GNAL: variants seen among roughly 807,000 people sequenced by gnomAD.
The protein encoded by GNAL is G protein subunit alpha L.
In GNAL, 18 loss-of-function variants were observed where a neutral mutation model predicts 55.1. The ratio of observed to expected loss-of-function variants is 0.33; its 90% CI spans 0.23 to 0.48. The LOEUF is 0.48. GNAL is among the 20% of genes least tolerant of loss of function. GNAL has a pLI of 0.99. For synonymous variants in GNAL, 253 were observed against 237.0 expected, an observed-to-expected ratio of 1.07 and a Z score of -0.62; for missense variants, 412 against 614.1, an observed-to-expected ratio of 0.67 and a Z score of 3.48.
intron 1 of GNAL, among the ~76,000 whole-genome samples, chr18:11,695,157 G>C (rs1325337208): frequency 6.6e-6 from 1 of 152,202 alleles, no homozygotes; most frequent in Non-Finnish European, 1.5e-5. Flanking sequence ...AGGGACAGCT[G>C]CATCCTAGCT....
intron 4 of GNAL, among the ~76,000 whole-genome samples, chr18:11,776,786 A>T (rs576447134): frequency 8.5e-5 from 13 of 152,158 alleles, no homozygotes; most frequent in Middle Eastern, 3.4e-3. Flanking sequence ...TTTGTCAAAA[A>T]CTTTAAAATT....
intron 5 of GNAL, among the ~76,000 whole-genome samples, chr18:11,835,173 A>G (rs2035472844): frequency 6.6e-6 from 1 of 152,266 alleles, no homozygotes; most frequent in South Asian, 2.1e-4. Flanking sequence ...TTACATTGAA[A>G]GAAAAAGCCA....
chr18:11,796,984 T>G (rs1598467463), intron 4 of GNAL, among the ~76,000 whole-genome samples: 1 of 152,334 alleles, frequency 6.6e-6, no homozygotes, highest in Non-Finnish European at 1.5e-5. Flanking sequence ...AGACAGGGTC[T>G]CACTGTGCCA....
chr18:11,844,045 G>A (rs770386008), intron 5 of GNAL, among the ~76,000 whole-genome samples: 2 of 152,182 alleles, frequency 1.3e-5, no homozygotes, highest in Non-Finnish European at 2.9e-5. Context: ...AAAAGAAATG[G>A]CCAAGATTAG....
At chr18:11,726,631 G>C (rs897324012) in intron 1 of GNAL, among the ~76,000 whole-genome samples, 1 of 152,078 alleles carries the variant, frequency 6.6e-6, no homozygotes, top group Non-Finnish European at 1.5e-5. Context: ...CTGGACGGTG[G>C]GTCCTTCTTT....
At chr18:11,699,407 G>T (rs1378934314) in intron 1 of GNAL, among the ~76,000 whole-genome samples, 1 of 151,742 alleles carries the variant, frequency 6.6e-6, no homozygotes, top group Non-Finnish European at 1.5e-5. Context: ...TAGAGACAGG[G>T]TTTTACCATG....
At chr18:11,783,211 A>C (rs2033967356) in intron 4 of GNAL, among the ~76,000 whole-genome samples, 1 of 152,194 alleles carries the variant, frequency 6.6e-6, no homozygotes, top group South Asian at 2.1e-4. Context: ...GTGAGTGTGA[A>C]ACAAGGCTGC....
intron 9 of GNAL, among the ~76,000 whole-genome samples, chr18:11,871,248 TC>T (rs201118850): frequency 0.015 from 2,261 of 150,482 alleles, 52 homozygotes; most frequent in African/African-American, 0.04. Context: ...TGTGGGTTTT[TC>T]TTTCTTTTTT....
chr18:11,754,008 C>A (rs2032950667), intron 4 of GNAL, 63 bp downstream of exon 4: 1 of 1,256,992 alleles, frequency 8.0e-7, no homozygotes, highest in South Asian at 1.2e-5. Flanking sequence ...AATAAGGTTT[C>A]TTATTGAGAA....
rs959737842 is a variant in GNAL at position 11,751,788 on chromosome 18, G to A, written c.377-1065G>A. On this transcript the variant is annotated intron_variant, in intron 1 of 11. Coordinates refer to ENST00000334049, the MANE Select transcript of GNAL (RefSeq NM_182978.4). The surrounding 1 kb of genome is among the most constrained non-coding windows in gnomAD (Gnocchi z 4.5). ...GCGGTAGCGCCTCTCCGAGAGCTCC[G>A]GGACCAGCGGCCCGGCCGCCCCCAA... 2 of 420,658 alleles carry A rather than the reference G, an allele frequency of 4.8e-6. No homozygotes were observed. Among genetic ancestry groups the A allele is most frequent in the Non-Finnish European group, 6.4e-6 (2 of 313,414 alleles). 26.1% of individuals were successfully genotyped at this position (420,658 alleles called of 1,614,324 possible).
intron 1 of GNAL, among the ~76,000 whole-genome samples, chr18:11,707,515 T>C (rs12457687): frequency 0.022 from 3,349 of 152,280 alleles, 100 homozygotes; most frequent in African/African-American, 0.07. Flanking sequence ...AGGCTCTGTT[T>C]TTCCACTGAT....
In GNAL at chr18:11,856,778, A is replaced by G. The variant is rs552873695; in HGVS notation, c.723-5617A>G. On this transcript the variant is annotated intron_variant, in intron 5 of 11. Transcript: ENST00000334049. ...CCGTCTCTACTAAAAATGCAAAAAA[A>G]TAATTAGCCAGGCATGATGGTGCAC... Among the ~76,000 whole-genome samples the G allele has an allele frequency of 1.2e-3, 186 of 152,196 alleles. 7 individuals carry two copies. In the South Asian group the frequency reaches 0.037, roughly 31 times the overall value.
At chr18:11,774,434 T>C (rs561706676) in intron 4 of GNAL, among the ~76,000 whole-genome samples, 1 of 152,348 alleles carries the variant, frequency 6.6e-6, no homozygotes, top group African/African-American at 2.4e-5. Context: ...TGAGCGCCCA[T>C]CTAAAAGAGC....
intron 1 of GNAL, among the ~76,000 whole-genome samples, chr18:11,698,354 G>T (rs545999343): frequency 2.0e-5 from 3 of 152,114 alleles, no homozygotes; most frequent in African/African-American, 7.2e-5. Flanking sequence ...AACTGGGCGT[G>T]GTGGTGCACG....
intron 10 of GNAL, among the ~76,000 whole-genome samples, chr18:11,875,818 C>G (rs1017504046): frequency 1.3e-5 from 2 of 152,144 alleles, no homozygotes; most frequent in African/African-American, 4.8e-5. Flanking sequence ...AATTTATGAA[C>G]AACAGAAATG....
chr18:11,717,703 A>T (rs2032006144), intron 1 of GNAL, among the ~76,000 whole-genome samples: 2 of 152,208 alleles, frequency 1.3e-5, no homozygotes, highest in African/African-American at 4.8e-5. Context: ...CAGAAAACCA[A>T]ATACTGCATG....
intron 4 of GNAL, among the ~76,000 whole-genome samples, chr18:11,780,857 T>C (rs1222885134): frequency 6.6e-6 from 1 of 152,156 alleles, no homozygotes; most frequent in African/African-American, 2.4e-5. Context: ...CAATGAAAAT[T>C]AGCCAGAAAC....
chr18:11,856,801 C>A (rs7235973), intron 5 of GNAL, among the ~76,000 whole-genome samples: 1,922 of 152,246 alleles, frequency 0.013, 36 homozygotes, highest in African/African-American at 0.044. Flanking sequence ...CATGATGGTG[C>A]ACACCTGTAA....
At chr18:11,850,458 T>C (rs546119750) in intron 5 of GNAL, among the ~76,000 whole-genome samples, 1 of 152,312 alleles carries the variant, frequency 6.6e-6, no homozygotes, top group African/African-American at 2.4e-5. Flanking sequence ...TCTCACATTG[T>C]TATTGCTGTA....
Sources: allele counts gnomAD v4.1 joint callset (sites outside exome capture counted in the v4.1 genomes callset), GRCh38; gene constraint gnomAD v4.1.1; non-coding constraint Gnocchi (gnomAD v3.1); transcripts MANE v1.5; gene names NCBI Gene and HGNC (gene_info 2026-07-23, HGNC 2026-07-21).